KIF2C: variants seen among roughly 807,000 people sequenced by gnomAD.
The protein encoded by KIF2C is kinesin-like protein KIF2C.
KIF2C carries 34 observed loss-of-function variants against 97.4 expected under a neutral mutation model. That is an observed-to-expected ratio of 0.35 (90% CI 0.27 to 0.46). The LOEUF is 0.46. KIF2C is among the 20% of genes least tolerant of loss of function. The pLI, the probability that KIF2C is intolerant of heterozygous loss-of-function variation, is 1.00. For synonymous variants in KIF2C, 313 were observed against 318.2 expected, an observed-to-expected ratio of 0.98 and a Z score of 0.17; for missense variants, 750 against 907.6, an observed-to-expected ratio of 0.83 and a Z score of 2.23.
chr1:44,757,982 T>C lies in KIF2C; in HGVS notation c.1132+11T>C. On this transcript the variant is annotated intron_variant, in intron 12 of 20. Coordinates refer to ENST00000372224, the MANE Select transcript of KIF2C (RefSeq NM_006845.4). ...TCTATGCCATGGCCTGTAAGTACTG[T>C]GTACTGCTGCTTCAGGGTTGGGCAC... The C allele has an allele frequency of 6.2e-7, 1 of 1,614,146 alleles. No individual in the cohort carries two copies. The highest frequency in any genetic ancestry group is 8.5e-7 in the Non-Finnish European group (1 of 1,179,964).
chr1:44,766,402 G>A (rs1251219989), intron 19 of KIF2C, among the ~76,000 whole-genome samples: 1 of 151,954 alleles, frequency 6.6e-6, no homozygotes, highest in African/African-American at 2.4e-5. Context: ...ACCTGAGGTC[G>A]AGAGTTCGAG....
chr1:44,758,669 G>A (rs1391648298), intron 13 of KIF2C, among the ~76,000 whole-genome samples: 1 of 152,152 alleles, frequency 6.6e-6, no homozygotes, highest in Admixed American at 6.6e-5. Flanking sequence ...GAGGTCAGGA[G>A]TTTGAGACCA....
At chr1:44,749,470 G>A (rs1274252681) in intron 4 of KIF2C, among the ~76,000 whole-genome samples, 2 of 151,506 alleles carry the variant, frequency 1.3e-5, no homozygotes, top group East Asian at 3.9e-4. Flanking sequence ...GATCATTTGG[G>A]GCTAGATGTG....
intron 4 of KIF2C, among the ~76,000 whole-genome samples, chr1:44,748,645 A>G (rs966284650): frequency 6.6e-6 from 1 of 151,880 alleles, no homozygotes; most frequent in Non-Finnish European, 1.5e-5. Flanking sequence ...GGCTCAGGCA[A>G]TCCTCCCACC....
At chr1:44,741,295 C>G (rs886287058) in intron 2 of KIF2C, among the ~76,000 whole-genome samples, 1 of 150,822 alleles carries the variant, frequency 6.6e-6, no homozygotes, top group South Asian at 2.1e-4. Flanking sequence ...GGCAGGAGAA[C>G]TGCTTGAACC....
At chr1:44,765,794 G>A (rs1236147544) in intron 19 of KIF2C, among the ~76,000 whole-genome samples, 1 of 152,096 alleles carries the variant, frequency 6.6e-6, no homozygotes, top group African/African-American at 2.4e-5. Flanking sequence ...GCTCACGCCT[G>A]TAATCCTAGC....
intron 19 of KIF2C, 73 bp from the exon 20 acceptor site, chr1:44,766,753 T>A (rs972417812): frequency 4.7e-5 from 73 of 1,545,994 alleles, no homozygotes; most frequent in Non-Finnish European, 6.2e-5. Context: ...GGTGTCTGCA[T>A]TGCAGTTGGT....
chr1:44,751,884 T>G (rs1235604991), intron 5 of KIF2C, among the ~76,000 whole-genome samples: 2 of 138,146 alleles, frequency 1.4e-5, no homozygotes, highest in Non-Finnish European at 3.1e-5. Flanking sequence ...TGCTGTGGTG[T>G]GATCTCAGCT....
intron 1 of KIF2C, among the ~76,000 whole-genome samples, chr1:44,740,602 G>C (rs1203505976): frequency 6.6e-6 from 1 of 152,070 alleles, no homozygotes; most frequent in Non-Finnish European, 1.5e-5. Flanking sequence ...GGAATCCTGT[G>C]CTCAAACATA....
At chr1:44,762,280 G>A in intron 17 of KIF2C, 66 bp from the exon 18 acceptor site, 2 of 1,411,570 alleles carry the variant, frequency 1.4e-6, no homozygotes, top group Non-Finnish European at 1.0e-6. Context: ...AGCCTGGGCG[G>A]TGCCACATTC....
intron 19 of KIF2C, among the ~76,000 whole-genome samples, chr1:44,766,197 C>T (rs1650455794): frequency 6.6e-6 from 1 of 152,088 alleles, no homozygotes; most frequent in African/African-American, 2.4e-5. Flanking sequence ...CACTTCACTC[C>T]AGCCTGGGTG....
rs146894935 is a variant in KIF2C at position 44,751,755 on chromosome 1, G to A, written c.439+1191G>A. 5.0e-3 allele frequency among the ~76,000 whole-genome samples: 731 copies of A among 147,296 alleles called. 5 individuals carry two copies. Among genetic ancestry groups the A allele is most frequent in the Non-Finnish European group, 6.7e-3 (450 of 67,292 alleles). On this transcript the variant is annotated intron_variant, in intron 5 of 20. Coordinates refer to ENST00000372224, the MANE Select transcript of KIF2C (RefSeq NM_006845.4). ...ACTCCTGACCTCATGTGATCTGCCCGCCTTGGCCTCTCAAAAGTTCTGGGA... is the reference window on the plus strand; with the variant it reads ...ACTCCTGACCTCATGTGATCTGCCCACCTTGGCCTCTCAAAAGTTCTGGGA...
In KIF2C at chr1:44,760,834, T is replaced by C. The variant is rs1650103615; in HGVS notation, c.1683+132T>C. ...CTGGGTTTCCAGGCTGTACCGTGAC[T>C]GGGCTTCCAGACCCTGCTTTAATGC... is the stretch of plus-strand genomic sequence containing the variant. On this transcript the variant is annotated intron_variant, in intron 16 of 20. Transcript: ENST00000372224. This position sits in a 1 kb window ranked among gnomAD's most constrained non-coding sequence, Gnocchi z 4.2. 2.9e-6 allele frequency: 2 copies of C among 697,288 alleles called. No individual in the cohort carries two copies. The highest frequency in any genetic ancestry group is 5.0e-6 in the Non-Finnish European group (2 of 401,138). The allele number at this position is 697,288 out of a possible 1,614,324, so 43.2% of individuals were successfully genotyped here. A position where few individuals can be genotyped will look rare whatever the true frequency, so the allele number is the denominator to read the frequency against.
chr1:44,755,992 T>C lies in KIF2C; in HGVS notation c.814+9T>C. ...CCCACTGAATAAGCAAGGTAAGTCC[T>C]GTTCAGTCAGGAAGAGGCTTCAGAC... On this transcript the variant is annotated intron_variant, in intron 9 of 20. Transcript: ENST00000372224. The C allele has an allele frequency of 1.2e-6, 2 of 1,614,194 alleles. No homozygotes were observed. Among genetic ancestry groups the C allele is most frequent in the African/African-American group, 1.3e-5 (1 of 75,062 alleles).
At chr1:44,747,233 A>G in intron 2 of KIF2C, 151 bp from the exon 3 acceptor site, 5 of 640,274 alleles carry the variant, frequency 7.8e-6, no homozygotes, top group Non-Finnish European at 1.4e-5. Flanking sequence ...GCTTGGACCC[A>G]GGAGGCAGAG....
chr1:44,752,424 G>A (rs758422389), intron 5 of KIF2C, among the ~76,000 whole-genome samples: 5 of 152,174 alleles, frequency 3.3e-5, no homozygotes, highest in Admixed American at 2.0e-4. Context: ...GTGAGCCACC[G>A]TGCCCGGCTA....
chr1:44,765,551 C>G (rs1185949780), intron 19 of KIF2C, among the ~76,000 whole-genome samples: 1 of 152,008 alleles, frequency 6.6e-6, no homozygotes, highest in Admixed American at 6.6e-5. Flanking sequence ...TAAAGTCACT[C>G]GGGCTGGGCG....
chr1:44,757,880 C>G (rs1649923693), intron 11 of KIF2C, 28 bp from the exon 12 acceptor site: 1 of 1,611,334 alleles, frequency 6.2e-7, no homozygotes, highest in Non-Finnish European at 8.5e-7. Context: ...AGCCCTTTTC[C>G]ATGGTCTTCT....
chr1:44,744,078 G>GT (rs745353039), intron 2 of KIF2C, among the ~76,000 whole-genome samples: 1,778 of 126,990 alleles, frequency 0.014, 30 homozygotes, highest in African/African-American at 0.039. Context: ...TCAAGCTCTG[G>GT]TTTTTTTTTT....
Sources: allele counts gnomAD v4.1 joint callset (sites outside exome capture counted in the v4.1 genomes callset), GRCh38; gene constraint gnomAD v4.1.1; non-coding constraint Gnocchi (gnomAD v3.1); transcripts MANE v1.5; gene names NCBI Gene and HGNC (gene_info 2026-07-23, HGNC 2026-07-21).